Variants in ULK4 observed in about 807,000 individuals in gnomAD.
The protein encoded by ULK4 is inactive serine/threonine-protein kinase ULK4.
A neutral mutation model predicts 160.6 loss-of-function variants in ULK4; 133 were observed. That is an observed-to-expected ratio of 0.83 (90% CI 0.72 to 0.96). The LOEUF is 0.96. Among genes scored for constraint, ULK4 ranks in the 40% least tolerant of loss-of-function variants. ULK4 has a pLI of 0.00. For synonymous variants in ULK4, 534 were observed against 539.8 expected (o/e 0.99, Z 0.15); for missense variants, 1,580 against 1,499.5 (o/e 1.05, Z -0.89).
At chr3:41,596,640 T>C (rs150673057) in intron 31 of ULK4, among the ~76,000 whole-genome samples, 73 of 152,224 alleles carry the variant, frequency 4.8e-4, no homozygotes, top group African/African-American at 1.7e-3. Flanking sequence ...CGGAGTGAGA[T>C]ATGTGAAATC....
intron 29 of ULK4, among the ~76,000 whole-genome samples, chr3:41,664,651 T>C (rs1415173274): frequency 1.3e-5 from 2 of 152,192 alleles, no homozygotes; most frequent in African/African-American, 4.8e-5. Context: ...ACTACCCTTA[T>C]CAGCTGTTAA....
At chr3:41,855,627 T>G (rs1156346972) in intron 17 of ULK4, among the ~76,000 whole-genome samples, 1 of 152,228 alleles carries the variant, frequency 6.6e-6, no homozygotes, top group Non-Finnish European at 1.5e-5. Context: ...TAACTAGTAT[T>G]ATTTACTTGT....
intron 33 of ULK4, among the ~76,000 whole-genome samples, chr3:41,456,714 G>A (rs772279402): frequency 7.2e-5 from 11 of 152,136 alleles, no homozygotes; most frequent in Non-Finnish European, 1.2e-4. Context: ...CTGTTTTTAC[G>A]TTTACTCAGA....
At position 41,566,141 on chromosome 3, in the gene ULK4, T is replaced by C. The variant is rs751746375; in HGVS notation, c.3121-11A>G. Reference sequence around the variant, plus strand: ...GCTCTCCTGATGTTCCTGCAATAGATCATAATTTCCATCATAACCATACAG... The same window carrying C: ...GCTCTCCTGATGTTCCTGCAATAGACCATAATTTCCATCATAACCATACAG... On this transcript the variant is annotated splice_polypyrimidine_tract_variant and intron_variant, in intron 31 of 36. Coordinates refer to ENST00000301831, the MANE Select transcript of ULK4 (RefSeq NM_017886.4). 6 of 1,602,220 alleles carry C rather than the reference T, an allele frequency of 3.7e-6. No individual in the cohort carries two copies. The highest frequency in any genetic ancestry group is 2.2e-5 in the East Asian group (1 of 44,700).
intron 31 of ULK4, among the ~76,000 whole-genome samples, chr3:41,612,062 G>A (rs2032707367): frequency 6.6e-6 from 1 of 152,112 alleles, no homozygotes; most frequent in African/African-American, 2.4e-5. Context: ...AAAATACAGT[G>A]TAACAACTAT....
intron 17 of ULK4, among the ~76,000 whole-genome samples, chr3:41,879,273 T>C (rs1697422772): frequency 6.6e-6 from 1 of 152,108 alleles, no homozygotes; most frequent in African/African-American, 2.4e-5. Flanking sequence ...GTTATACATT[T>C]TTCTAATCCT....
chr3:41,313,071 A>G (rs570931254), intron 35 of ULK4, among the ~76,000 whole-genome samples: 41 of 152,344 alleles, frequency 2.7e-4, no homozygotes, highest in Non-Finnish European at 4.7e-4. Context: ...AACAAAGGCA[A>G]GAGATGGTTT....
chr3:41,802,099 A>C (rs57525756), intron 19 of ULK4, among the ~76,000 whole-genome samples: 18,770 of 152,082 alleles, frequency 0.12, 1,324 homozygotes, highest in Middle Eastern at 0.27. Flanking sequence ...ACCATTCTGA[A>C]ATGCAAAAGT....
chr3:41,267,975 G>A (rs1230065612), intron 35 of ULK4, among the ~76,000 whole-genome samples: 1 of 152,164 alleles, frequency 6.6e-6, no homozygotes, highest in African/African-American at 2.4e-5. Context: ...GTGGCTTCAT[G>A]GCACAGCCGA....
intron 31 of ULK4, among the ~76,000 whole-genome samples, chr3:41,568,292 G>T (rs1014569712): frequency 6.6e-6 from 1 of 152,236 alleles, no homozygotes; most frequent in African/African-American, 2.4e-5. Flanking sequence ...TGGGAGTGCT[G>T]CAGGGGAAGC....
intron 31 of ULK4, among the ~76,000 whole-genome samples, chr3:41,602,345 GGGAAAGGAAA>G (rs141721763): frequency 7.1e-6 from 1 of 140,272 alleles, no homozygotes; most frequent in African/African-American, 2.7e-5. Flanking sequence ...AAAGGAGGAA[GGGAAAGGAAA>G]GGAAAGGAGG....
At chr3:41,302,070 T>C (rs939231291) in intron 35 of ULK4, among the ~76,000 whole-genome samples, 1 of 152,166 alleles carries the variant, frequency 6.6e-6, no homozygotes, top group African/African-American at 2.4e-5. Flanking sequence ...AAAAACTACT[T>C]ACATACAAGC....
chr3:41,351,511 C>T (rs2080909605), intron 35 of ULK4, among the ~76,000 whole-genome samples: 1 of 152,178 alleles, frequency 6.6e-6, no homozygotes, highest in Non-Finnish European at 1.5e-5. Context: ...AAAATTAGAA[C>T]CTCCAGGGAT....
At chr3:41,433,188 A>C (rs1011591062) in intron 34 of ULK4, among the ~76,000 whole-genome samples, 1 of 152,236 alleles carries the variant, frequency 6.6e-6, no homozygotes. Flanking sequence ...GGTTACACTA[A>C]AGCTTTAATA....
At chr3:41,889,704 G>A (rs2148777618) in intron 16 of ULK4, among the ~76,000 whole-genome samples, 1 of 152,308 alleles carries the variant, frequency 6.6e-6, no homozygotes, top group South Asian at 2.1e-4. Flanking sequence ...ATAAGAAAGA[G>A]AGTTTGGCAG....
intron 32 of ULK4, among the ~76,000 whole-genome samples, chr3:41,485,333 T>C (rs1254154260): frequency 1.3e-5 from 2 of 152,002 alleles, no homozygotes. Context: ...TTTAAAAAGG[T>C]GTGATTGGGA....
intron 17 of ULK4, among the ~76,000 whole-genome samples, chr3:41,852,385 T>C (rs980959630): frequency 6.6e-6 from 1 of 152,174 alleles, no homozygotes; most frequent in Non-Finnish European, 1.5e-5. Context: ...AGGTATCGAA[T>C]TGCAATAAAT....
At chr3:41,342,493 T>C (rs1364259489) in intron 35 of ULK4, among the ~76,000 whole-genome samples, 1 of 152,150 alleles carries the variant, frequency 6.6e-6, no homozygotes, top group Non-Finnish European at 1.5e-5. Flanking sequence ...ACTGCCTAAA[T>C]AGACCAATAA....
intron 20 of ULK4, among the ~76,000 whole-genome samples, chr3:41,794,787 G>A (rs1331180632): frequency 6.6e-6 from 1 of 151,808 alleles, no homozygotes; most frequent in East Asian, 1.9e-4. Flanking sequence ...CCTAATTGAG[G>A]AGGTAACACT....
Sources: gnomAD v4.1 joint callset for allele counts (sites outside exome capture counted in the v4.1 genomes callset) on GRCh38, gnomAD v4.1.1 for gene constraint, MANE v1.5 for transcripts, NCBI Gene and HGNC (gene_info 2026-07-23, HGNC 2026-07-21) for gene names.